The following PCDH19 variants were observed in gnomAD, a reference collection of about 807,000 sequenced individuals.
The protein encoded by PCDH19 is protocadherin-19.
PCDH19 carries 6 observed loss-of-function variants against 46.2 expected under a neutral mutation model. That is an observed-to-expected ratio of 0.13 (90% confidence interval 0.07 to 0.26). The LOEUF is 0.26. Ranked by LOEUF, PCDH19 falls within the 10% of genes least tolerant of loss-of-function variation. The pLI, the probability that PCDH19 is intolerant of heterozygous loss-of-function variation, is 1.00. For missense variants in PCDH19, 740 were observed against 972.3 expected (o/e 0.76, Z 3.18); for synonymous variants, 481 against 415.7 (o/e 1.16, Z -1.91).
At chrX:100,320,788 AC>A (rs1176472570) in intron 5 of PCDH19, among the ~76,000 whole-genome samples, 1 of 108,729 alleles carries the variant, frequency 9.2e-6, no homozygotes, top group Non-Finnish European at 1.9e-5. Context: ...TTTTTTTTTA[AC>A]CTTTTTTTTT....
At chrX:100,356,154 C>T (rs921581693) in intron 3 of PCDH19, among the ~76,000 whole-genome samples, 1 of 110,560 alleles carries the variant, frequency 9.0e-6, no homozygotes, top group Non-Finnish European at 1.9e-5. Flanking sequence ...TGAAAATGAA[C>T]GAACTTTTAA....
At chrX:100,301,376 G>A (rs1924776203) in intron 5 of PCDH19, among the ~76,000 whole-genome samples, 1 of 112,100 alleles carries the variant, frequency 8.9e-6, no homozygotes, top group Admixed American at 9.4e-5. Context: ...GATCACAGAC[G>A]AAAATCCAGC....
chrX:100,331,493 T>C (rs932688353), intron 5 of PCDH19, among the ~76,000 whole-genome samples: 2 of 111,876 alleles, frequency 1.8e-5, no homozygotes, highest in African/African-American at 6.5e-5. Context: ...ACTTTTCTGA[T>C]GTTCCTAAAA....
At chrX:100,396,063 G>A (rs764727508) in intron 3 of PCDH19, among the ~76,000 whole-genome samples, 8 of 111,266 alleles carry the variant, frequency 7.2e-5, no homozygotes, top group Non-Finnish European at 1.3e-4. Context: ...CAGGCCTCTT[G>A]TAAAAACGGC....
intron 5 of PCDH19, among the ~76,000 whole-genome samples, chrX:100,328,319 A>C (rs772597494): frequency 4.5e-5 from 5 of 111,886 alleles, no homozygotes; most frequent in African/African-American, 1.3e-4. Context: ...GGGTGTAAAA[A>C]ATATTAAAGA....
At chrX:100,317,935 G>C (rs1264096241) in intron 5 of PCDH19, among the ~76,000 whole-genome samples, 1 of 112,206 alleles carries the variant, frequency 8.9e-6, no homozygotes. Flanking sequence ...AAAAGCAAAG[G>C]CAAACCTTTC....
intron 3 of PCDH19, among the ~76,000 whole-genome samples, chrX:100,393,331 C>T (rs1927915384): frequency 9.0e-6 from 1 of 110,774 alleles, no homozygotes. Flanking sequence ...CTCTGAGGAC[C>T]TAATATCATA....
intron 5 of PCDH19, among the ~76,000 whole-genome samples, chrX:100,305,101 C>A (rs967448332): frequency 4.5e-5 from 5 of 111,944 alleles, no homozygotes; most frequent in Admixed American, 9.5e-5. Flanking sequence ...GCAAAAAGAT[C>A]ATCACCTAGG....
chrX:100,379,048 A>C (rs1927464809), intron 3 of PCDH19, among the ~76,000 whole-genome samples: 1 of 111,213 alleles, frequency 9.0e-6, no homozygotes, highest in Non-Finnish European at 1.9e-5. Flanking sequence ...CACAGTTAAG[A>C]GGGGACAATC....
chrX:100,408,480 C>T lies in PCDH19; in HGVS notation c.118G>A (p.Ala40Thr). The T allele has an allele frequency of 8.3e-7, 1 of 1,203,934 alleles. No individual in the cohort carries two copies. The highest frequency in any genetic ancestry group is 1.1e-6 in the Non-Finnish European group (1 of 893,491). The change falls in exon 1 of 6, where the codon GCC becomes ACC. Residue 40 changes from alanine (A) to threonine (T), a missense_variant. Physicochemically the swap from Ala to Thr is moderately conservative, Grantham distance 58 (BLOSUM62 0). Transcript: ENST00000373034. The part of the protein sequence containing the change: ...EEEQRAGTVI[A>T]NVAKDAREAG... ...TCTCGCGCGTCTTTGGCCACGTTGGCAATCACCGTCCCGGCGCGCTGCTCC... is the reference window on the plus strand; with the variant it reads ...TCTCGCGCGTCTTTGGCCACGTTGGTAATCACCGTCCCGGCGCGCTGCTCC...
intron 3 of PCDH19, among the ~76,000 whole-genome samples, chrX:100,376,558 A>G (rs1927392600): frequency 8.9e-6 from 1 of 112,353 alleles, no homozygotes; most frequent in Non-Finnish European, 1.9e-5. Context: ...TGTCATTTCA[A>G]GCTTCAGACT....
chrX:100,303,391 G>C (rs1212657849), intron 5 of PCDH19, among the ~76,000 whole-genome samples: 1 of 111,694 alleles, frequency 9.0e-6, no homozygotes, highest in Non-Finnish European at 1.9e-5. Context: ...TGATATGTTT[G>C]ATATCTTGAG....
At chrX:100,309,849 C>T (rs1925079241) in intron 5 of PCDH19, among the ~76,000 whole-genome samples, 2 of 112,368 alleles carry the variant, frequency 1.8e-5, no homozygotes, top group South Asian at 7.4e-4. Flanking sequence ...AGAAATTCTG[C>T]AAAGTTTAGT....
At chrX:100,398,351 C>G (rs746960930) in intron 3 of PCDH19, among the ~76,000 whole-genome samples, 1 of 112,030 alleles carries the variant, frequency 8.9e-6, no homozygotes, top group South Asian at 3.7e-4. Flanking sequence ...TTCCCTTTAC[C>G]TTGCCTACCT....
At chrX:100,381,269 G>A (rs1927545902) in intron 3 of PCDH19, among the ~76,000 whole-genome samples, 1 of 111,867 alleles carries the variant, frequency 8.9e-6, no homozygotes, top group African/African-American at 3.3e-5. Context: ...TGGCTTACTT[G>A]AATTTCACAT....
intron 3 of PCDH19, among the ~76,000 whole-genome samples, chrX:100,391,159 C>T (rs995262358): frequency 9.1e-6 from 1 of 110,450 alleles, no homozygotes; most frequent in African/African-American, 3.3e-5. Flanking sequence ...TTCAAGAATA[C>T]CCAACTTAAA....
At chrX:100,358,558 C>T (rs2147498813) in intron 3 of PCDH19, among the ~76,000 whole-genome samples, 1 of 111,972 alleles carries the variant, frequency 8.9e-6, no homozygotes, top group East Asian at 2.8e-4. Flanking sequence ...TTGTGAATTT[C>T]ACTACAGAGG....
chrX:100,389,678 A>G (rs1252240358), intron 3 of PCDH19, among the ~76,000 whole-genome samples: 1 of 111,815 alleles, frequency 8.9e-6, no homozygotes, highest in East Asian at 2.8e-4. Flanking sequence ...CCTACTTGTC[A>G]ATTACACTCC....
intron 5 of PCDH19, among the ~76,000 whole-genome samples, chrX:100,306,315 T>C (rs951040029): frequency 1.8e-5 from 2 of 112,128 alleles, no homozygotes; most frequent in African/African-American, 3.2e-5. Flanking sequence ...TGAATTATCA[T>C]TGGGTCAACA....
Sources: gnomAD v4.1 joint callset for allele counts (sites outside exome capture counted in the v4.1 genomes callset) on GRCh38, gnomAD v4.1.1 for gene constraint, MANE v1.5 for transcripts, NCBI Gene and HGNC (gene_info 2026-07-23, HGNC 2026-07-21) for gene names.